The following METTL25 variants were observed in gnomAD, a reference collection of about 807,000 sequenced individuals.
METTL25 encodes the protein probable methyltransferase-like protein 25.
Under a neutral mutation model 71.6 loss-of-function variants are expected in METTL25, and 64 were observed. That is an observed-to-expected ratio of 0.89 (90% CI 0.73 to 1.10). The LOEUF (loss-of-function observed/expected upper bound fraction) is 1.10, where lower values mean the gene tolerates loss of function less well. Among genes scored for constraint, METTL25 ranks in the 50% least tolerant of loss-of-function variants. METTL25 has a pLI of 0.00. For missense variants in METTL25, 807 were observed against 707.0 expected, an observed-to-expected ratio of 1.14 and a Z score of -1.60; for synonymous variants, 287 against 250.3, an observed-to-expected ratio of 1.15 and a Z score of -1.38.
intron 1 of METTL25, among the ~76,000 whole-genome samples, chr12:82,378,342 G>A (rs1488238957): frequency 1.3e-5 from 2 of 152,098 alleles, no homozygotes; most frequent in Non-Finnish European, 2.9e-5. Context: ...TAACTTTTAT[G>A]AACTATACAC....
chr12:82,358,964 G>A lies in METTL25; in HGVS notation c.259+140G>A, dbSNP rs183267305. ...CGGCCCGCTGGGAAACCGAGGAGGG[G>A]TCGGATTAGTTGAGGGGTGGGGTGG... On this transcript the variant is annotated intron_variant, in intron 1 of 11. Transcript: ENST00000248306. 7.1e-3 allele frequency: 6,632 copies of A among 934,788 alleles called. 85 individuals are homozygous for A. The highest frequency in any genetic ancestry group is 0.042 in the Admixed American group (1,853 of 44,244). The allele number at this position is 934,788 out of a possible 1,614,324, so 57.9% of individuals were successfully genotyped here.
intron 5 of METTL25, among the ~76,000 whole-genome samples, chr12:82,403,560 A>C (rs1347495535): frequency 2.0e-5 from 3 of 152,184 alleles, no homozygotes; most frequent in Non-Finnish European, 4.4e-5. Flanking sequence ...AAAAAGAAAA[A>C]GTTCTTTACT....
At chr12:82,401,266 A>G (rs1886599726) in intron 4 of METTL25, among the ~76,000 whole-genome samples, 1 of 152,102 alleles carries the variant, frequency 6.6e-6, no homozygotes, top group Non-Finnish European at 1.5e-5. Flanking sequence ...ATGTTAGTGA[A>G]ACAATTATAT....
chr12:82,370,802 G>A (rs2136854766), intron 1 of METTL25, among the ~76,000 whole-genome samples: 1 of 150,960 alleles, frequency 6.6e-6, no homozygotes, highest in Non-Finnish European at 1.5e-5. Flanking sequence ...CTGACTTTCT[G>A]TCTCTTTCTC....
At chr12:82,452,070 C>T (rs1180078482) in intron 8 of METTL25, among the ~76,000 whole-genome samples, 2 of 151,868 alleles carry the variant, frequency 1.3e-5, no homozygotes, top group African/African-American at 4.8e-5. Flanking sequence ...TACATGGAGG[C>T]AACATAAAGA....
intron 8 of METTL25, among the ~76,000 whole-genome samples, chr12:82,447,248 A>G (rs539307646): frequency 1.3e-5 from 2 of 152,276 alleles, no homozygotes; most frequent in African/African-American, 2.4e-5. Flanking sequence ...AATTATATAT[A>G]TATTAGACAA....
At position 82,476,736 on chromosome 12, in the gene METTL25, G is replaced by A. The variant is rs1336642083; in HGVS notation, c.1647+18G>A. 3 of 1,522,334 alleles carry A rather than the reference G, an allele frequency of 2.0e-6. No homozygotes were observed. Among genetic ancestry groups the A allele is most frequent in the Non-Finnish European group, 2.7e-6 (3 of 1,116,842 alleles). 94.3% of individuals were successfully genotyped at this position (1,522,334 alleles called of 1,614,324 possible). A position where few individuals can be genotyped will look rare whatever the true frequency, so the allele number is the denominator to read the frequency against. ...TTAATATGGTAAATCTCAGAGTTAA[G>A]CATATTAAATTGGATATGTTGCTAG... is the stretch of plus-strand genomic sequence containing the variant. On this transcript the variant is annotated intron_variant, in intron 10 of 11. Coordinates refer to ENST00000248306, the MANE Select transcript of METTL25 (RefSeq NM_032230.3).
intron 11 of METTL25, among the ~76,000 whole-genome samples, chr12:82,478,339 A>G (rs958916080): frequency 5.9e-5 from 9 of 151,850 alleles, no homozygotes; most frequent in Non-Finnish European, 1.2e-4. Flanking sequence ...TAATATTTCA[A>G]TTAATATCTT....
chr12:82,420,005 C>A (rs1166689217), intron 5 of METTL25, among the ~76,000 whole-genome samples: 2 of 152,152 alleles, frequency 1.3e-5, no homozygotes, highest in Non-Finnish European at 1.5e-5. Flanking sequence ...GTGGTACACA[C>A]ATACAATGGA....
chr12:82,393,380 G>C (rs1319265350), intron 3 of METTL25, among the ~76,000 whole-genome samples: 2 of 151,702 alleles, frequency 1.3e-5, no homozygotes, highest in Non-Finnish European at 1.5e-5. Flanking sequence ...ATCTTATTTT[G>C]TAGCTATTGT....
At chr12:82,364,438 G>T (rs1183362859) in intron 1 of METTL25, among the ~76,000 whole-genome samples, 1 of 152,158 alleles carries the variant, frequency 6.6e-6, no homozygotes, top group Non-Finnish European at 1.5e-5. Flanking sequence ...GTTTTTGTCT[G>T]CACTCAGACA....
chr12:82,408,775 A>T (rs548017669), intron 5 of METTL25, among the ~76,000 whole-genome samples: 1 of 152,304 alleles, frequency 6.6e-6, no homozygotes, highest in Admixed American at 6.5e-5. Flanking sequence ...CTACTGCTAT[A>T]TAGTTTGATC....
intron 5 of METTL25, among the ~76,000 whole-genome samples, chr12:82,422,711 A>T (rs1888628404): frequency 6.6e-6 from 1 of 152,212 alleles, no homozygotes; most frequent in Non-Finnish European, 1.5e-5. Context: ...CAGGATACAA[A>T]ATCAATATGC....
intron 9 of METTL25, among the ~76,000 whole-genome samples, chr12:82,464,213 A>T (rs114928339): frequency 4.8e-4 from 73 of 151,676 alleles, no homozygotes; most frequent in African/African-American, 1.6e-3. Flanking sequence ...CATTTCCCCT[A>T]TGTTTTCTCC....
At chr12:82,442,000 A>G (rs907223778) in intron 8 of METTL25, among the ~76,000 whole-genome samples, 3 of 152,024 alleles carry the variant, frequency 2.0e-5, no homozygotes, top group African/African-American at 4.8e-5. Flanking sequence ...TGCGATAAAA[A>G]TTAACGCAAT....
chr12:82,424,052 T>C (rs1265679377), intron 5 of METTL25, among the ~76,000 whole-genome samples: 3 of 152,210 alleles, frequency 2.0e-5, no homozygotes, highest in South Asian at 2.1e-4. Flanking sequence ...ACCCAAAGGA[T>C]TATAAATCAT....
chr12:82,432,863 TA>T (rs11358515), intron 6 of METTL25, among the ~76,000 whole-genome samples: 105,776 of 130,260 alleles, frequency 0.81, 42,899 homozygotes, highest in East Asian at 0.92. Context: ...TGGTCTTCTT[TA>T]AAAAAAAAAA....
chr12:82,418,211 T>G (rs899795221), intron 5 of METTL25, among the ~76,000 whole-genome samples: 3 of 152,116 alleles, frequency 2.0e-5, no homozygotes, highest in African/African-American at 7.2e-5. Flanking sequence ...AATGGAAGAA[T>G]GGAGTTGTCA....
chr12:82,373,851 A>G (rs960206773), intron 1 of METTL25, among the ~76,000 whole-genome samples: 5 of 152,204 alleles, frequency 3.3e-5, no homozygotes, highest in Non-Finnish European at 7.3e-5. Context: ...CTGTGTCTTT[A>G]GTCTGGAGGT....
Sources: allele counts gnomAD v4.1 joint callset (sites outside exome capture counted in the v4.1 genomes callset), GRCh38; gene constraint gnomAD v4.1.1; transcripts MANE v1.5; gene names NCBI Gene and HGNC (gene_info 2026-07-23, HGNC 2026-07-21).